The following OTOG variants were observed in gnomAD, a reference collection of about 807,000 sequenced individuals.
OTOG encodes the protein otogelin.
In OTOG, 296 loss-of-function variants were observed where a neutral mutation model predicts 313.8. That is an observed-to-expected ratio of 0.94 (90% confidence interval 0.86 to 1.04). The LOEUF is 1.04. Ranked by LOEUF, OTOG falls within the 50% of genes least tolerant of loss-of-function variation. The probability of loss-of-function intolerance (pLI) is 0.00; values close to 1 mark genes in which losing one functional copy is unlikely to be tolerated. For missense variants in OTOG, 3,948 were observed against 3,840.1 expected (o/e 1.03, Z -0.74); for synonymous variants, 1,533 against 1,554.9 (o/e 0.99, Z 0.33).
rs1350999451 is a variant in OTOG, at chr11:17,641,010, C to A, written c.8109C>A (p.Arg2703=). The part of the protein sequence containing the change: ...LSADGVCHTS[R]CTTVLDPLTN... ...CAGATGGCGTGTGCCACACCTCCCG[C>A]TGCACCACCGTGCTCGACCCTCTCA... The change falls in exon 51 of 56, where the codon CGC becomes CGA. Residue 2703 remains arginine (R), a synonymous_variant. Coordinates refer to ENST00000399397, the MANE Select transcript of OTOG (RefSeq NM_001292063.2). The A allele has an allele frequency of 6.5e-7, 1 of 1,548,428 alleles. No individual in the cohort carries two copies. Among genetic ancestry groups the A allele is most frequent in the East Asian group, 2.4e-5 (1 of 40,900 alleles).
intron 33 of OTOG, among the ~76,000 whole-genome samples, chr11:17,607,849 A>G (rs999137520): frequency 6.6e-6 from 1 of 152,102 alleles, no homozygotes; most frequent in African/African-American, 2.4e-5. Flanking sequence ...GAGGTCTGCA[A>G]TAGCCCTGCT....
In OTOG at chr11:17,561,723, C is replaced by A; in HGVS notation, c.1560C>A (p.Phe520Leu). 1 of 1,550,504 alleles carries A rather than the reference C, an allele frequency of 6.4e-7. No homozygotes were observed. The highest frequency in any genetic ancestry group is 8.7e-7 in the Non-Finnish European group (1 of 1,146,966). ...FTTFDGRRYTFPATCQYILAK... is the reference protein window; with the variant it reads ...FTTFDGRRYTLPATCQYILAK... ...CCTTTGATGGCCGCCGGTACACGTT[C>A]CCCGCCACATGTCAGTACATCCTGG... Residue 520 changes from phenylalanine to leucine, a missense_variant, in exon 15 of 56, where the codon TTC becomes TTA. Transcript: ENST00000399397.
intron 24 of OTOG, among the ~76,000 whole-genome samples, chr11:17,589,117 T>C (rs1013944249): frequency 1.1e-4 from 17 of 152,118 alleles, no homozygotes; most frequent in Non-Finnish European, 2.4e-4. Context: ...ACACCTTTAC[T>C]TCCTTTGTAC....
At chr11:17,639,089 C>A (rs1847914809) in intron 48 of OTOG, among the ~76,000 whole-genome samples, 1 of 152,294 alleles carries the variant, frequency 6.6e-6, no homozygotes, top group South Asian at 2.1e-4. Flanking sequence ...AAAGAATAGG[C>A]TCTGGACCAG....
chr11:17,617,627 AT>A (rs1565121009), intron 39 of OTOG, among the ~76,000 whole-genome samples: 2 of 152,248 alleles, frequency 1.3e-5, no homozygotes, highest in Admixed American at 6.5e-5. Context: ...TATACTTTTA[AT>A]TTCTGTAGGA....
At chr11:17,590,526 G>A (rs185303446) in intron 24 of OTOG, among the ~76,000 whole-genome samples, 6 of 152,338 alleles carry the variant, frequency 3.9e-5, no homozygotes. Flanking sequence ...TAGCCACTCA[G>A]CTGGTCTTTC....
intron 7 of OTOG, among the ~76,000 whole-genome samples, chr11:17,556,813 G>T (rs1356138996): frequency 6.6e-6 from 1 of 152,054 alleles, no homozygotes; most frequent in Non-Finnish European, 1.5e-5. Flanking sequence ...CTTGGTTCCT[G>T]CTCCCCACCA....
intron 19 of OTOG, among the ~76,000 whole-genome samples, chr11:17,574,103 A>T (rs1040379672): frequency 7.2e-5 from 11 of 152,230 alleles, no homozygotes; most frequent in Non-Finnish European, 1.5e-5. Context: ...TTTGATGTGC[A>T]GCCTGGGTTG....
chr11:17,557,357 T>C (rs1191023719), intron 8 of OTOG, 34 bp downstream of exon 8: 2 of 1,523,904 alleles, frequency 1.3e-6, no homozygotes, highest in Non-Finnish European at 8.9e-7. Context: ...TGAGGGGTGT[T>C]GGTGGGGATG....
intron 31 of OTOG, among the ~76,000 whole-genome samples, chr11:17,601,406 T>C (rs1853246212): frequency 6.7e-6 from 1 of 149,218 alleles, no homozygotes; most frequent in Non-Finnish European, 1.5e-5. Flanking sequence ...TGTGATGAGA[T>C]GTGAGCTGGG....
chr11:17,613,559 AG>A, intron 38 of OTOG, 52 bp from the exon 39 acceptor site: 1 of 1,443,014 alleles, frequency 6.9e-7, no homozygotes, highest in Non-Finnish European at 9.5e-7. Flanking sequence ...ACTCACTTGG[AG>A]GGGGACAGAG....
Position 17,547,429 on chromosome 11 carries a change from T to A in OTOG, c.57T>A (p.Gly19=). The change falls in exon 1 of 56, where the codon GGT becomes GGA. Residue 19 remains glycine, a synonymous_variant. Coordinates refer to ENST00000399397, the MANE Select transcript of OTOG (RefSeq NM_001292063.2). ...CWLLCVWLPW[G]EQAAESLRVQ... ...TGCTTTGTGTCTGGCTGCCCTGGGG[T>A]GAGCAGGCAGCCGAGTCCCTGCGGG... is the stretch of plus-strand genomic sequence containing the variant. The A allele has an allele frequency of 1.4e-6, 2 of 1,401,168 alleles. No individual in the cohort carries two copies. The highest frequency in any genetic ancestry group is 1.8e-6 in the Non-Finnish European group (2 of 1,081,488). 86.8% of individuals were successfully genotyped at this position (1,401,168 alleles called of 1,614,324 possible).
At position 17,609,773 on chromosome 11, in the gene OTOG, G is replaced by T; in HGVS notation, c.4473G>T (p.Arg1491Ser). The T allele has an allele frequency of 6.5e-7, 1 of 1,548,712 alleles. No individual in the cohort carries two copies. Among genetic ancestry groups the T allele is most frequent in the Non-Finnish European group, 8.7e-7 (1 of 1,146,100 alleles). ...EEPQLSQESPRTPTHRPALTP... is the reference protein window; with the variant it reads ...EEPQLSQESPSTPTHRPALTP... ...CACAGCTGTCACAGGAAAGCCCCAG[G>T]ACCCCCACCCACAGGCCAGCCCTCA... Residue 1491 changes from arginine (R) to serine (S), a missense_variant, in exon 36 of 56, where the codon AGG (arginine) becomes AGT (serine). Arg to Ser is a moderately radical substitution (Grantham distance 110). Coordinates refer to ENST00000399397, the MANE Select transcript of OTOG (RefSeq NM_001292063.2).
chr11:17,597,140 G>A (rs1009877712), intron 30 of OTOG, 133 bp downstream of exon 30: 2 of 1,181,214 alleles, frequency 1.7e-6, no homozygotes, highest in African/African-American at 1.5e-5. Flanking sequence ...CTTTGGGCGT[G>A]TTATTCATTG....
intron 8 of OTOG, among the ~76,000 whole-genome samples, 183 bp downstream of exon 8, chr11:17,557,506 C>T (rs543694064): frequency 6.6e-6 from 1 of 152,216 alleles, no homozygotes; most frequent in Non-Finnish European, 1.5e-5. Context: ...TCTTAAACTA[C>T]TGTCAACCCC....
chr11:17,615,157 T>C (rs755725345), intron 39 of OTOG, among the ~76,000 whole-genome samples: 6 of 152,238 alleles, frequency 3.9e-5, no homozygotes, highest in Non-Finnish European at 8.8e-5. Flanking sequence ...TTCCATGGTA[T>C]ATGCTCTTTG....
intron 4 of OTOG, among the ~76,000 whole-genome samples, chr11:17,552,538 TGTCCTGTGTC>T: frequency 7.4e-6 from 1 of 135,210 alleles, no homozygotes; most frequent in South Asian, 2.6e-4. Context: ...CTCCCCCACC[TGTCCTGTGTC>T]CCCCACCTGT....
intron 23 of OTOG, among the ~76,000 whole-genome samples, chr11:17,583,437 T>C (rs1006498101): frequency 6.6e-6 from 1 of 152,248 alleles, no homozygotes; most frequent in Admixed American, 6.5e-5. Flanking sequence ...TTTACAATTT[T>C]AGCTTTTACA....
intron 6 of OTOG, among the ~76,000 whole-genome samples, chr11:17,554,587 A>T (rs1369382353): frequency 2.6e-5 from 4 of 152,204 alleles, no homozygotes; most frequent in African/African-American, 9.6e-5. Flanking sequence ...GGGTGTGGGG[A>T]GACCCCAGTG....
Sources: allele counts gnomAD v4.1 joint callset (sites outside exome capture counted in the v4.1 genomes callset), GRCh38; gene constraint gnomAD v4.1.1; transcripts MANE v1.5; gene names NCBI Gene and HGNC (gene_info 2026-07-23, HGNC 2026-07-21).